NAALADL2: variants seen among roughly 807,000 people sequenced by gnomAD.
NAALADL2 encodes inactive N-acetylated-alpha-linked acidic dipeptidase-like protein 2.
Under a neutral mutation model 87.2 loss-of-function variants are expected in NAALADL2, and 76 were observed. The ratio of observed to expected loss-of-function variants is 0.87; its 90% CI spans 0.72 to 1.05. The LOEUF is 1.05. Ranked by LOEUF, NAALADL2 falls within the 50% of genes least tolerant of loss-of-function variation. NAALADL2 has a pLI of 0.00. For missense variants in NAALADL2, 1,089 were observed against 945.8 expected (o/e 1.15, Z -1.99); for synonymous variants, 354 against 331.0 (o/e 1.07, Z -0.75).
intron 2 of NAALADL2, among the ~76,000 whole-genome samples, chr3:174,626,897 C>T (rs1475365364): frequency 6.6e-6 from 1 of 151,732 alleles, no homozygotes; most frequent in Non-Finnish European, 1.5e-5. Context: ...GTATAATGTC[C>T]CTATATACTT....
chr3:175,031,287 A>G (rs953232370), intron 1 of NAALADL2, among the ~76,000 whole-genome samples: 5 of 151,482 alleles, frequency 3.3e-5, no homozygotes, highest in African/African-American at 1.2e-4. Flanking sequence ...CTCCTTCCAT[A>G]CTCTAGGAGT....
chr3:175,669,891 C>G (rs1733702885), intron 11 of NAALADL2, among the ~76,000 whole-genome samples: 1 of 151,930 alleles, frequency 6.6e-6, no homozygotes, highest in Admixed American at 6.6e-5. Context: ...TTCACTATTA[C>G]TATCCAATGA....
chr3:175,637,910 G>A (rs527463884), intron 11 of NAALADL2, among the ~76,000 whole-genome samples: 88 of 152,150 alleles, frequency 5.8e-4, no homozygotes, highest in African/African-American at 2.1e-3. Flanking sequence ...GCATATTTAG[G>A]CACCTATAGA....
chr3:174,642,772 A>G, intron 2 of NAALADL2, among the ~76,000 whole-genome samples: 1 of 35,432 alleles, frequency 2.8e-5, no homozygotes, highest in East Asian at 1.5e-3. Flanking sequence ...ATATATATAT[A>G]TATATATATA....
intron 9 of NAALADL2, 55 bp downstream of exon 9, chr3:175,471,813 T>G (rs1724950760): frequency 7.0e-7 from 1 of 1,429,220 alleles, no homozygotes; most frequent in Non-Finnish European, 9.5e-7. Context: ...CTTTTCTCTA[T>G]ATTTTGACAT....
chr3:174,849,417 C>A (rs1724988860), intron 3 of NAALADL2, among the ~76,000 whole-genome samples: 1 of 151,878 alleles, frequency 6.6e-6, no homozygotes, highest in Non-Finnish European at 1.5e-5. Flanking sequence ...TTAATGCTTT[C>A]TTAAAATTTT....
intron 5 of NAALADL2, among the ~76,000 whole-genome samples, chr3:175,360,670 A>G (rs1764884485): frequency 6.6e-6 from 1 of 151,976 alleles, no homozygotes; most frequent in Admixed American, 6.6e-5. Context: ...TAATTTTCTA[A>G]GGTTTTTTAG....
At chr3:174,642,211 ATGT>A (rs534712282) in intron 2 of NAALADL2, among the ~76,000 whole-genome samples, 277 of 151,908 alleles carry the variant, frequency 1.8e-3, no homozygotes, top group South Asian at 0.01. Context: ...AAAAAAATGC[ATGT>A]TGTTTTCCGG....
At chr3:174,617,939 G>T (rs1720623838) in intron 2 of NAALADL2, among the ~76,000 whole-genome samples, 1 of 151,624 alleles carries the variant, frequency 6.6e-6, no homozygotes, top group Non-Finnish European at 1.5e-5. Flanking sequence ...CCTCTAAAAA[G>T]GATCGTAACT....
In NAALADL2 at chr3:175,027,874, C is replaced by G. The variant is rs527270358; in HGVS notation, c.44-68916C>G. Among the ~76,000 whole-genome samples, 24 of 151,528 alleles carry G rather than the reference C, an allele frequency of 1.6e-4. No individual in the cohort carries two copies. In the South Asian group the frequency reaches 4.8e-3, roughly 30 times the overall value. The stretch of plus-strand genomic sequence containing the variant: ...CTGATCAGGCATTTATTTTGAACAT[C>G]TAGGTAAAGAAAAATGCTTCTATTT... On this transcript the variant is annotated intron_variant, in intron 1 of 13. Transcript: ENST00000454872.
intron 10 of NAALADL2, among the ~76,000 whole-genome samples, chr3:175,600,747 C>T (rs950764726): frequency 1.3e-5 from 2 of 151,650 alleles, no homozygotes; most frequent in African/African-American, 2.4e-5. Flanking sequence ...CCGTGTTAGC[C>T]AGGATGGTCT....
chr3:175,239,822 C>G (rs1746521646), intron 3 of NAALADL2, among the ~76,000 whole-genome samples: 1 of 152,040 alleles, frequency 6.6e-6, no homozygotes, highest in Non-Finnish European at 1.5e-5. Context: ...TGTTCTCATC[C>G]ATATAAGGGG....
At chr3:175,381,289 C>T (rs998159187) in intron 5 of NAALADL2, among the ~76,000 whole-genome samples, 4 of 151,452 alleles carry the variant, frequency 2.6e-5, no homozygotes, top group Non-Finnish European at 4.4e-5. Context: ...TTAGTTCTAT[C>T]TGACAATTTA....
intron 2 of NAALADL2, among the ~76,000 whole-genome samples, chr3:174,679,190 C>T (rs1727302932): frequency 6.6e-6 from 1 of 152,084 alleles, no homozygotes; most frequent in East Asian, 1.9e-4. Flanking sequence ...TCCTTCTTCA[C>T]CCTGTAAGTC....
chr3:175,722,773 G>A (rs2150038634), intron 11 of NAALADL2, among the ~76,000 whole-genome samples: 1 of 152,196 alleles, frequency 6.6e-6, no homozygotes, highest in Non-Finnish European at 1.5e-5. Flanking sequence ...TACAGTGAAA[G>A]GTCTGGCACA....
chr3:175,538,798 G>C (rs1010950686), intron 9 of NAALADL2, among the ~76,000 whole-genome samples: 2 of 152,110 alleles, frequency 1.3e-5, no homozygotes, highest in Non-Finnish European at 2.9e-5. Flanking sequence ...TACAACAGAT[G>C]CTAGCTACCA....
chr3:174,862,633 A>G (rs1560297056), intron 1 of NAALADL2, among the ~76,000 whole-genome samples: 1 of 152,096 alleles, frequency 6.6e-6, no homozygotes, highest in East Asian at 1.9e-4. Context: ...TCTTTAGTCG[A>G]AATATATTCA....
At chr3:174,891,150 A>G (rs1376650868) in intron 1 of NAALADL2, among the ~76,000 whole-genome samples, 1 of 152,174 alleles carries the variant, frequency 6.6e-6, no homozygotes, top group Non-Finnish European at 1.5e-5. Context: ...AAGTAACGCA[A>G]CATTTCACTA....
intron 9 of NAALADL2, among the ~76,000 whole-genome samples, chr3:175,560,750 T>C (rs553956814): frequency 9.2e-5 from 14 of 152,294 alleles, no homozygotes; most frequent in African/African-American, 3.1e-4. Flanking sequence ...GCCTCCCAAG[T>C]AGCTGGGATT....
Sources: allele counts gnomAD v4.1 joint callset (sites outside exome capture counted in the v4.1 genomes callset), GRCh38; gene constraint gnomAD v4.1.1; transcripts MANE v1.5; gene names NCBI Gene and HGNC (gene_info 2026-07-23, HGNC 2026-07-21).